Variants in TGFBR1 observed in about 807,000 individuals in gnomAD.
The protein encoded by TGFBR1 is transforming growth factor beta receptor 1.
A neutral mutation model predicts 55.1 loss-of-function variants in TGFBR1; 20 were observed. The ratio of observed to expected loss-of-function variants is 0.36; its 90% confidence interval spans 0.26 to 0.53. TGFBR1 has a LOEUF of 0.53. Among genes scored for constraint, TGFBR1 ranks in the 20% least tolerant of loss-of-function variants. The pLI is 0.91. For missense variants in TGFBR1, 385 were observed against 617.6 expected (o/e 0.62, Z 3.99); for synonymous variants, 220 against 214.8 (o/e 1.02, Z -0.21).
Position 99,105,434 on chromosome 9 carries a change from G to C in TGFBR1, c.97+132G>C, listed in dbSNP as rs1318754542. On this transcript the variant is annotated intron_variant, in intron 1 of 8. Transcript: ENST00000374994. ...GTGGCGGCGCCGGGGCCCGGGCCGG[G>C]CTCTCGTGGCGCCGCGCGGCTCGGC... The C allele has an allele frequency of 6.3e-6, 5 of 796,986 alleles. No homozygotes were observed. In the Admixed American group the frequency reaches 3.2e-4, roughly 51 times the overall value. 49.4% of individuals were successfully genotyped at this position (796,986 alleles called of 1,614,324 possible).
chr9:99,149,153 A>AT, intron 8 of TGFBR1, 27 bp from the exon 9 acceptor site: 1 of 1,560,064 alleles, frequency 6.4e-7, no homozygotes, highest in Non-Finnish European at 8.7e-7. Flanking sequence ...TGCATGCATT[A>AT]ATTTTTTTTT....
chr9:99,108,778 A>AT (rs936444958), intron 1 of TGFBR1, among the ~76,000 whole-genome samples: 1 of 152,078 alleles, frequency 6.6e-6, no homozygotes, highest in Non-Finnish European at 1.5e-5. Flanking sequence ...AACCTCTATC[A>AT]TTTTTTCCCC....
intron 2 of TGFBR1, among the ~76,000 whole-genome samples, chr9:99,129,379 A>T (rs1827145961): frequency 6.6e-6 from 1 of 152,208 alleles, no homozygotes; most frequent in African/African-American, 2.4e-5. Context: ...CCACAACAAC[A>T]TCTTCAGATT....
intron 3 of TGFBR1, among the ~76,000 whole-genome samples, chr9:99,133,329 C>A (rs1374042547): frequency 1.3e-5 from 2 of 152,110 alleles, no homozygotes; most frequent in Non-Finnish European, 2.9e-5. Flanking sequence ...AGTTTTGGCC[C>A]CTAATGACGT....
intron 1 of TGFBR1, among the ~76,000 whole-genome samples, chr9:99,107,286 T>C (rs936109671): frequency 1.3e-5 from 2 of 152,224 alleles, no homozygotes; most frequent in African/African-American, 4.8e-5. Flanking sequence ...TTTTATTTCC[T>C]CTGTAACTTG....
chr9:99,124,229 C>G (rs1033789028), intron 1 of TGFBR1, among the ~76,000 whole-genome samples: 2 of 152,142 alleles, frequency 1.3e-5, no homozygotes, highest in African/African-American at 4.8e-5. Flanking sequence ...CTTCTCAGGA[C>G]TCAGGATTTT....
chr9:99,142,389 T>G, intron 4 of TGFBR1, 147 bp from the exon 5 acceptor site: 1 of 838,268 alleles, frequency 1.2e-6, no homozygotes, highest in Non-Finnish European at 1.9e-6. Context: ...ACAAACAATG[T>G]AGAAGAAAAT....
At chr9:99,123,377 G>A (rs1233986574) in intron 1 of TGFBR1, among the ~76,000 whole-genome samples, 1 of 152,048 alleles carries the variant, frequency 6.6e-6, no homozygotes, top group Non-Finnish European at 1.5e-5. Context: ...AAACAAAGTT[G>A]GACAGTGTAG....
chr9:99,119,332 G>C (rs1246560013), intron 1 of TGFBR1, among the ~76,000 whole-genome samples: 1 of 152,112 alleles, frequency 6.6e-6, no homozygotes, highest in African/African-American at 2.4e-5. Context: ...AGGATGATCA[G>C]CCACTTTCAT....
chr9:99,132,258 G>C (rs1488667827), intron 2 of TGFBR1, among the ~76,000 whole-genome samples: 1 of 152,206 alleles, frequency 6.6e-6, no homozygotes, highest in Non-Finnish European at 1.5e-5. Context: ...AGTTGGCCTT[G>C]TAATGATGGC....
At position 99,149,382 on chromosome 9, in the gene TGFBR1, A is replaced by C; in HGVS notation, c.*77A>C. ...TTTAATTTGGGAGGTCAATTGTTCT[A>C]CCTCACTGAGAGGGAACAGAAGGAT... On this transcript the variant is annotated 3_prime_UTR_variant, in exon 9 of 9. Coordinates refer to ENST00000374994, the MANE Select transcript of TGFBR1 (RefSeq NM_004612.4). 1 of 1,578,214 alleles carries C rather than the reference A, an allele frequency of 6.3e-7. No individual in the cohort carries two copies. The highest frequency in any genetic ancestry group is 8.7e-7 in the Non-Finnish European group (1 of 1,149,136).
At chr9:99,132,818 G>A (rs941583742) in intron 3 of TGFBR1, 79 bp downstream of exon 3, 1 of 1,552,482 alleles carries the variant, frequency 6.4e-7, no homozygotes. Flanking sequence ...TTTCTAATAA[G>A]CCAACTTGCT....
At chr9:99,133,247 A>G (rs1274746537) in intron 3 of TGFBR1, among the ~76,000 whole-genome samples, 1 of 152,214 alleles carries the variant, frequency 6.6e-6, no homozygotes, top group Non-Finnish European at 1.5e-5. Flanking sequence ...TGGTTTTTTA[A>G]AATTAAACTA....
intron 1 of TGFBR1, among the ~76,000 whole-genome samples, chr9:99,119,862 A>G (rs11568749): frequency 1.3e-3 from 199 of 152,290 alleles, no homozygotes; most frequent in African/African-American, 4.7e-3. Context: ...TCACTGTTGT[A>G]TATGCATATG....
chr9:99,135,852 CTTTT>C (rs397954803), intron 3 of TGFBR1, among the ~76,000 whole-genome samples: 1 of 125,958 alleles, frequency 7.9e-6, no homozygotes, highest in Non-Finnish European at 1.7e-5. Context: ...AAAATTGTTA[CTTTT>C]TTTTTTTTTT....
chr9:99,132,522 T>A lies in TGFBR1; in HGVS notation c.357T>A (p.Pro119=), dbSNP rs755249354. ...GCCCTTTTTCAGTAAAGTCATCACC[T>A]GGCCTTGGTCCTGTGGAACTGGCAG... ...IELPTTVKSS[P]GLGPVELAAV... The change falls in exon 3 of 9, where the codon CCT becomes CCA. Residue 119 remains proline, a synonymous_variant. Coordinates refer to ENST00000374994, the MANE Select transcript of TGFBR1 (RefSeq NM_004612.4). The A allele has an allele frequency of 6.2e-7, 1 of 1,614,188 alleles. No homozygotes were observed. The highest frequency in any genetic ancestry group is 8.5e-7 in the Non-Finnish European group (1 of 1,180,032).
intron 1 of TGFBR1, chr9:99,128,629 G>T (rs1447214905): frequency 1.5e-6 from 1 of 668,706 alleles, no homozygotes; most frequent in Admixed American, 2.2e-5. Flanking sequence ...AAAAAACCTG[G>T]GTCCAAATGT....
intron 1 of TGFBR1, among the ~76,000 whole-genome samples, chr9:99,125,816 T>C (rs1005766618): frequency 3.3e-5 from 5 of 152,218 alleles, no homozygotes; most frequent in African/African-American, 7.2e-5. Context: ...ACCCAACTTA[T>C]ACATCCTTTT....
intron 3 of TGFBR1, among the ~76,000 whole-genome samples, chr9:99,137,495 A>G (rs1011942144): frequency 2.0e-5 from 3 of 151,988 alleles, no homozygotes; most frequent in East Asian, 1.9e-4. Flanking sequence ...TGCCACATAT[A>G]TCCTCTCTCT....
Sources: allele counts gnomAD v4.1 joint callset (sites outside exome capture counted in the v4.1 genomes callset), GRCh38; gene constraint gnomAD v4.1.1; transcripts MANE v1.5; gene names NCBI Gene and HGNC (gene_info 2026-07-23, HGNC 2026-07-21).